ARID2: variants seen among roughly 807,000 people sequenced by gnomAD.
ARID2 encodes AT-rich interactive domain-containing protein 2.
Under a neutral mutation model 184.6 loss-of-function variants are expected in ARID2, and 32 were observed. The observed-to-expected ratio is 0.17, with a 90% CI of 0.13 to 0.23. The LOEUF (loss-of-function observed/expected upper bound fraction) is 0.23, where lower values mean the gene tolerates loss of function less well. Ranked by LOEUF, ARID2 falls within the 10% of genes least tolerant of loss-of-function variation. The pLI, the probability that ARID2 is intolerant of heterozygous loss-of-function variation, is 1.00. For missense variants in ARID2, 1,696 were observed against 2,197.6 expected, an observed-to-expected ratio of 0.77 and a Z score of 4.56; for synonymous variants, 836 against 772.6, an observed-to-expected ratio of 1.08 and a Z score of -1.36.
chr12:45,856,275 G>C (rs1439508943), intron 15 of ARID2, among the ~76,000 whole-genome samples: 1 of 151,154 alleles, frequency 6.6e-6, no homozygotes, highest in Non-Finnish European at 1.5e-5. Context: ...CACCATGTTG[G>C]TCAGGCTGGT....
intron 14 of ARID2, 29 bp downstream of exon 14, chr12:45,849,805 A>G (rs1432728102): frequency 1.3e-6 from 2 of 1,577,680 alleles, no homozygotes; most frequent in South Asian, 1.2e-5. Context: ...TTTTTAAAGT[A>G]TTACTGATTT....
intron 20 of ARID2, among the ~76,000 whole-genome samples, chr12:45,897,019 C>T (rs1944377661): frequency 1.3e-5 from 2 of 152,190 alleles, no homozygotes. Context: ...GCAGGACTCC[C>T]ACTTCTGATT....
chr12:45,833,070 G>A (rs925379807), intron 6 of ARID2, among the ~76,000 whole-genome samples: 1 of 152,182 alleles, frequency 6.6e-6, no homozygotes, highest in East Asian at 1.9e-4. Context: ...TTTGTTTTCT[G>A]TGTACTTAAT....
rs763003905 is a variant in ARID2 at position 45,850,017 on chromosome 12, G to A, written c.1913-19G>A. 2.2e-5 allele frequency: 35 copies of A among 1,563,194 alleles called. 1 individual carries two copies. Among genetic ancestry groups the A allele is most frequent in the African/African-American group, 8.2e-5 (6 of 72,754 alleles). ...CAGTCATTTCATTTGGAATTTTGAC[G>A]TTTTCTTCATATTTTCAGGAATCCC... On this transcript the variant is annotated intron_variant, in intron 14 of 20. Transcript: ENST00000334344.
chr12:45,824,084 C>T (rs1942949564), intron 6 of ARID2, among the ~76,000 whole-genome samples: 1 of 152,006 alleles, frequency 6.6e-6, no homozygotes, highest in Admixed American at 6.6e-5. Context: ...AGACAGTGCA[C>T]CATCATTAAG....
At chr12:45,837,902 T>C (rs992058255) in intron 10 of ARID2, among the ~76,000 whole-genome samples, 195 bp downstream of exon 10, 4 of 152,218 alleles carry the variant, frequency 2.6e-5, no homozygotes, top group Admixed American at 1.3e-4. Context: ...AATAATTACA[T>C]TCTTTAACGT....
chr12:45,802,060 T>C (rs1942513180), intron 3 of ARID2, among the ~76,000 whole-genome samples: 1 of 147,436 alleles, frequency 6.8e-6, no homozygotes, highest in Non-Finnish European at 1.5e-5. Context: ...TTCGTTTGGC[T>C]CCCCCACCCC....
rs556259905 is a variant in ARID2 at position 45,816,450 on chromosome 12, A to G, written c.419-1220A>G. On this transcript the variant is annotated intron_variant, in intron 4 of 20. Transcript: ENST00000334344. Reference sequence around the variant, plus strand: ...TAAGTGCTGGCCAGGATGGAGAGCAATAGGAACTCTTTATATTGCTGATGG... The same window carrying G: ...TAAGTGCTGGCCAGGATGGAGAGCAGTAGGAACTCTTTATATTGCTGATGG... Among the ~76,000 whole-genome samples, 3 of 152,344 alleles carry G rather than the reference A, an allele frequency of 2.0e-5. No homozygotes were observed. The East Asian group carries it at 5.8e-4, about 29-fold the overall frequency.
intron 1 of ARID2, 45 bp from the exon 2 acceptor site, chr12:45,729,999 C>T (rs748188833): frequency 1.2e-6 from 2 of 1,607,700 alleles, no homozygotes; most frequent in Non-Finnish European, 1.7e-6. Context: ...CCGGGCCGGG[C>T]ACGGGGTCCC....
At chr12:45,756,968 C>G (rs1363551979) in intron 3 of ARID2, among the ~76,000 whole-genome samples, 1 of 152,158 alleles carries the variant, frequency 6.6e-6, no homozygotes, top group African/African-American at 2.4e-5. Flanking sequence ...TCATGGTATT[C>G]ACAGCAAGTT....
intron 20 of ARID2, among the ~76,000 whole-genome samples, chr12:45,901,212 C>T (rs1479493104): frequency 8.3e-5 from 10 of 120,530 alleles, no homozygotes; most frequent in Middle Eastern, 6.8e-3. Context: ...GCTCCGTTGC[C>T]CAGGCTGGAA....
intron 15 of ARID2, among the ~76,000 whole-genome samples, chr12:45,859,216 A>C (rs1299736795): frequency 6.6e-6 from 1 of 152,182 alleles, no homozygotes; most frequent in Non-Finnish European, 1.5e-5. Context: ...TATTGTTTTC[A>C]CTGTACCTTT....
intron 16 of ARID2, among the ~76,000 whole-genome samples, chr12:45,868,828 A>G (rs546569698): frequency 6.6e-6 from 1 of 152,282 alleles, no homozygotes; most frequent in East Asian, 1.9e-4. Context: ...TTATTACACT[A>G]TCACTTTAAA....
At chr12:45,848,129 A>C (rs1450019929) in intron 12 of ARID2, among the ~76,000 whole-genome samples, 3 of 151,856 alleles carry the variant, frequency 2.0e-5, no homozygotes, top group Non-Finnish European at 4.4e-5. Flanking sequence ...CATAATTACT[A>C]TTTGATTTAG....
At chr12:45,795,505 C>T (rs1370456552) in intron 3 of ARID2, among the ~76,000 whole-genome samples, 1 of 152,018 alleles carries the variant, frequency 6.6e-6, no homozygotes, top group African/African-American at 2.4e-5. Flanking sequence ...GATCTCGGCT[C>T]ACTGCAAAGC....
chr12:45,890,783 T>TA (rs1381242262), intron 16 of ARID2, among the ~76,000 whole-genome samples: 3 of 152,150 alleles, frequency 2.0e-5, no homozygotes, highest in Non-Finnish European at 2.9e-5. Flanking sequence ...AGATATTTGT[T>TA]ACACGTTAAA....
chr12:45,798,532 G>A (rs1942435015), intron 3 of ARID2, among the ~76,000 whole-genome samples: 1 of 152,172 alleles, frequency 6.6e-6, no homozygotes, highest in Non-Finnish European at 1.5e-5. Flanking sequence ...TGCTTTAGCT[G>A]CCTGGAAGTG....
chr12:45,881,920 T>C, intron 16 of ARID2: 1 of 198,604 alleles, frequency 5.0e-6, no homozygotes, highest in Non-Finnish European at 1.1e-5. Context: ...CCGTGGAACA[T>C]GCCAGAGGTC....
At chr12:45,740,281 T>C (rs932663403) in intron 3 of ARID2, among the ~76,000 whole-genome samples, 4 of 152,166 alleles carry the variant, frequency 2.6e-5, no homozygotes, top group African/African-American at 9.7e-5. Flanking sequence ...TTTTTTGCCA[T>C]GTTTTTCCTT....
Sources: allele counts gnomAD v4.1 joint callset (sites outside exome capture counted in the v4.1 genomes callset), GRCh38; gene constraint gnomAD v4.1.1; transcripts MANE v1.5; gene names NCBI Gene and HGNC (gene_info 2026-07-23, HGNC 2026-07-21).